Variants in ABHD12 observed in about 807,000 individuals in gnomAD.
ABHD12 encodes the protein abhydrolase domain containing 12, lysophospholipase, also known as lysophosphatidylserine lipase ABHD12.
In ABHD12, 43 loss-of-function variants were observed where a neutral mutation model predicts 58.3. The observed-to-expected ratio is 0.74, with a 90% CI of 0.58 to 0.95. The LOEUF (loss-of-function observed/expected upper bound fraction) is 0.95, where lower values mean the gene tolerates loss of function less well. Ranked by LOEUF, ABHD12 falls within the 40% of genes least tolerant of loss-of-function variation. The pLI, the probability that ABHD12 is intolerant of heterozygous loss-of-function variation, is 0.00. For synonymous variants in ABHD12, 219 were observed against 211.2 expected (o/e 1.04, Z -0.32); for missense variants, 539 against 537.2 (o/e 1.00, Z -0.03).
chr20:25,387,713 C>G (rs2090111472), intron 1 of ABHD12, among the ~76,000 whole-genome samples: 1 of 151,838 alleles, frequency 6.6e-6, no homozygotes, highest in Admixed American at 6.6e-5. Flanking sequence ...GTGCTCCAGC[C>G]TGGGTGACGG....
chr20:25,375,952 C>T (rs534827280), intron 1 of ABHD12, among the ~76,000 whole-genome samples: 2 of 152,210 alleles, frequency 1.3e-5, no homozygotes, highest in South Asian at 4.2e-4. Context: ...GAAACCCCGT[C>T]TCTACTAAAA....
chr20:25,358,587 ATG>A (rs999340430), intron 1 of ABHD12, among the ~76,000 whole-genome samples: 1 of 152,208 alleles, frequency 6.6e-6, no homozygotes, highest in Non-Finnish European at 1.5e-5. Context: ...CCTCTTCAGT[ATG>A]TGTCAAAACA....
chr20:25,315,827 C>A (rs1257662936), intron 5 of ABHD12, among the ~76,000 whole-genome samples: 4 of 152,218 alleles, frequency 2.6e-5, no homozygotes, highest in Admixed American at 2.0e-4. Context: ...CTGGGTGTGC[C>A]CCCGCCTCTG....
intron 1 of ABHD12, 145 bp downstream of exon 1, chr20:25,390,368 A>C: frequency 1.2e-6 from 1 of 835,496 alleles, no homozygotes; most frequent in Non-Finnish European, 1.6e-6. Context: ...CAAATGCGGG[A>C]CACAGGCGCG....
rs1331592802 is a variant in ABHD12, at chr20:25,334,940, C to A, written c.316+4287G>T. ...ACACCAAAAGCAATGGCAACAAAAG[C>A]CAAAATTGACAAATGGGATCTAATT... is the stretch of plus-strand genomic sequence containing the variant. On this transcript the variant is annotated intron_variant, in intron 2 of 12. Transcript: ENST00000339157. Among the ~76,000 whole-genome samples, 345 of 151,842 alleles carry A rather than the reference C, an allele frequency of 2.3e-3. 1 individual carries two copies. The highest frequency in any genetic ancestry group is 8.1e-3 in the African/African-American group (336 of 41,352).
Position 25,308,340 on chromosome 20 carries a change from C to G in ABHD12, c.787+117G>C, listed in dbSNP as rs1479841967. Reference sequence around the variant, plus strand: ...AAGGGTGGCTGGTCAGCCCCGGGCCCCCCAGAATGTGCAGCTCATGCTGCT... The same window carrying G: ...AAGGGTGGCTGGTCAGCCCCGGGCCGCCCAGAATGTGCAGCTCATGCTGCT... On this transcript the variant is annotated intron_variant, in intron 8 of 12. Transcript: ENST00000339157. 2.9e-6 allele frequency: 4 copies of G among 1,356,484 alleles called. No individual in the cohort carries two copies. The East Asian group carries it at 7.5e-5, about 25-fold the overall frequency. 84.0% of individuals were successfully genotyped at this position (1,356,484 alleles called of 1,614,324 possible).
chr20:25,302,784 T>A (rs2088661647), intron 11 of ABHD12, among the ~76,000 whole-genome samples: 1 of 152,206 alleles, frequency 6.6e-6, no homozygotes, highest in South Asian at 2.1e-4. Context: ...TGTGCGCTGC[T>A]GGGCGGCTCT....
intron 6 of ABHD12, among the ~76,000 whole-genome samples, chr20:25,313,308 T>C (rs2088897461): frequency 6.6e-6 from 1 of 152,304 alleles, no homozygotes; most frequent in Non-Finnish European, 1.5e-5. Context: ...CTCTGAAACA[T>C]GTGCTGTGTC....
chr20:25,366,889 T>A (rs1032475584), intron 1 of ABHD12, among the ~76,000 whole-genome samples: 1 of 152,198 alleles, frequency 6.6e-6, no homozygotes, highest in Non-Finnish European at 1.5e-5. Flanking sequence ...AGCTGAGCAC[T>A]GTAGCATGGA....
rs549214257 is a variant in ABHD12 at position 25,302,149 on chromosome 20, A to T, written c.1157+70T>A. 1.4e-4 allele frequency: 226 copies of T among 1,608,280 alleles called. 1 individual carries two copies. The highest frequency in any genetic ancestry group is 1.3e-3 in the Middle Eastern group (6 of 4,478). On this transcript the variant is annotated intron_variant, in intron 12 of 12. Coordinates refer to ENST00000339157, the MANE Select transcript of ABHD12 (RefSeq NM_001042472.3). ...CCCCTGAGCAGCTTCAGCAGCTGCC[A>T]CCTGCTGCACGTTAGGTGTGAGCCA...
Position 25,390,672 on chromosome 20 carries a change from T to C in ABHD12, c.32A>G (p.Glu11Gly). The part of the protein sequence containing the change: MRKRTEPVAL[E>G]HERCAAAGSS... ...GCCCGCGGCGGCGCAGCGCTCATGC[T>C]CCAAGGCGACGGGCTCGGTCCGCTT... Residue 11 changes from glutamate (E) to glycine (G), a missense_variant, in exon 1 of 13, where the codon GAG (glutamate) becomes GGG (glycine). By Grantham distance (98) the Glu-to-Gly change is moderately conservative. Coordinates refer to ENST00000339157, the MANE Select transcript of ABHD12 (RefSeq NM_001042472.3). The C allele has an allele frequency of 7.0e-7, 1 of 1,431,668 alleles. No individual in the cohort carries two copies. The highest frequency in any genetic ancestry group is 2.6e-5 in the Admixed American group (1 of 37,998). 88.7% of individuals were successfully genotyped at this position (1,431,668 alleles called of 1,614,324 possible).
intron 6 of ABHD12, among the ~76,000 whole-genome samples, chr20:25,313,244 ATTC>A (rs1238409205): frequency 1.4e-4 from 21 of 152,294 alleles, no homozygotes; most frequent in Non-Finnish European, 1.5e-5. Flanking sequence ...ACTAAGAAAA[ATTC>A]TTCTGCCTTG....
At position 25,300,815 on chromosome 20, in the gene ABHD12, G is replaced by T; in HGVS notation, c.*30C>A. On this transcript the variant is annotated 3_prime_UTR_variant, in exon 13 of 13. Transcript: ENST00000339157. The stretch of plus-strand genomic sequence containing the variant: ...TGGAGGAAAACGGGAGGAGGGCAGA[G>T]GTCTTCATGCTTCCTTCCCACGGCC... 1.9e-6 allele frequency: 3 copies of T among 1,614,062 alleles called. No individual in the cohort carries two copies. Among genetic ancestry groups the T allele is most frequent in the Non-Finnish European group, 2.5e-6 (3 of 1,179,984 alleles).
intron 2 of ABHD12, among the ~76,000 whole-genome samples, chr20:25,330,498 A>G (rs1600809374): frequency 6.6e-6 from 1 of 152,308 alleles, no homozygotes; most frequent in East Asian, 1.9e-4. Flanking sequence ...TGTAGGCTCC[A>G]CCTCTGGGGG....
At chr20:25,382,551 C>T (rs557608664) in intron 1 of ABHD12, among the ~76,000 whole-genome samples, 2 of 152,208 alleles carry the variant, frequency 1.3e-5, no homozygotes, top group African/African-American at 4.8e-5. Context: ...AGGAGGGGAA[C>T]GAAGAGGAGG....
intron 1 of ABHD12, among the ~76,000 whole-genome samples, chr20:25,343,180 T>C (rs2089476965): frequency 6.6e-6 from 1 of 152,198 alleles, no homozygotes; most frequent in Non-Finnish European, 1.5e-5. Flanking sequence ...AATCTGAACA[T>C]GCCTGTTTCT....
chr20:25,365,988 T>C (rs140497353), intron 1 of ABHD12, among the ~76,000 whole-genome samples: 1,530 of 152,308 alleles, frequency 0.01, 11 homozygotes, highest in Non-Finnish European at 0.015. Flanking sequence ...TGTAGTGAGC[T>C]GAGATCGCAC....
At chr20:25,351,010 C>CACACACA (rs1392222627) in intron 1 of ABHD12, among the ~76,000 whole-genome samples, 4 of 137,856 alleles carry the variant, frequency 2.9e-5, no homozygotes, top group East Asian at 2.1e-4. Flanking sequence ...CACACACACA[C>CACACACA]CCTTATTAAG....
chr20:25,385,169 C>G (rs963171537), intron 1 of ABHD12, among the ~76,000 whole-genome samples: 2 of 151,844 alleles, frequency 1.3e-5, no homozygotes, highest in Non-Finnish European at 2.9e-5. Flanking sequence ...GAAACCCTGT[C>G]TCTACTAAAA....
Sources: gnomAD v4.1 joint callset for allele counts (sites outside exome capture counted in the v4.1 genomes callset) on GRCh38, gnomAD v4.1.1 for gene constraint, MANE v1.5 for transcripts, NCBI Gene and HGNC (gene_info 2026-07-23, HGNC 2026-07-21) for gene names.